BRCA2: variants seen among roughly 807,000 people sequenced by gnomAD.
The protein encoded by BRCA2 is BRCA2 DNA repair associated, also known as breast cancer type 2 susceptibility protein.
Under a neutral mutation model 276.7 loss-of-function variants are expected in BRCA2, and 203 were observed. That is an observed-to-expected ratio of 0.73 (90% CI 0.65 to 0.82). BRCA2 has a LOEUF of 0.82. Among genes scored for constraint, BRCA2 ranks in the 40% least tolerant of loss-of-function variants. BRCA2 has a pLI of 0.00. For missense variants in BRCA2, 3,920 were observed against 3,915.0 expected (o/e 1.00, Z -0.03); for synonymous variants, 1,289 against 1,338.4 (o/e 0.96, Z 0.81).
intron 18 of BRCA2, 24 bp from the exon 19 acceptor site, chr13:32,370,378 C>G (rs1593930028): frequency 6.3e-7 from 1 of 1,591,690 alleles, no homozygotes. Context: ...ACTACTAAAT[C>G]AATATATTTA....
Position 32,319,070 on chromosome 13 carries a change from T to A in BRCA2, c.68-7T>A, listed in dbSNP as rs81002830. ...TAAAACTAAGGTGGGATTTTTTTTT[T>A]AAATAGATTTAGGACCAATAAGTCT... On this transcript the variant is annotated splice_polypyrimidine_tract_variant and splice_region_variant and intron_variant, in intron 2 of 26. Coordinates refer to ENST00000380152, the MANE Select transcript of BRCA2 (RefSeq NM_000059.4). 4,031 of 1,611,588 alleles carry A rather than the reference T, an allele frequency of 2.5e-3. 13 individuals are homozygous for A. The highest frequency in any genetic ancestry group is 3.6e-3 in the Admixed American group (216 of 59,842).
rs2072448315 is a variant in BRCA2, at chr13:32,336,336, A to G, written c.1981A>G (p.Ser661Gly). The G allele has an allele frequency of 1.9e-6, 3 of 1,605,472 alleles. No homozygotes were observed. The highest frequency in any genetic ancestry group is 2.6e-6 in the Non-Finnish European group (3 of 1,176,104). Reference sequence around the variant, plus strand: ...TGAAGAACCAACTTTGTCCTTAACTAGCTCTTTTGGGACAATTCTGAGGAA... The same window carrying G: ...TGAAGAACCAACTTTGTCCTTAACTGGCTCTTTTGGGACAATTCTGAGGAA... ...DSEEPTLSLT[S>G]SFGTILRKCS... The change falls in exon 11 of 27, where the codon AGC becomes GGC. Residue 661 changes from serine (S) to glycine (G), a missense_variant. Ser to Gly is a moderately conservative substitution (Grantham distance 56, BLOSUM62 0). This residue lies in a region of BRCA2 where 3,263 missense variants were observed against 3,156.9 expected (regional missense o/e 1.03). Coordinates refer to ENST00000380152, the MANE Select transcript of BRCA2 (RefSeq NM_000059.4).
chr13:32,379,837 C>T lies in BRCA2; in HGVS notation c.9041C>T (p.Ser3014Leu). 6.2e-7 allele frequency: 1 copy of T among 1,613,566 alleles called. No homozygotes were observed. The highest frequency in any genetic ancestry group is 1.1e-5 in the South Asian group (1 of 91,032). ...TACAGAATTTATCATCTTGCAACTT[C>T]AAAATCTAAAAGTAAATCTGAAAGA... Reference protein sequence around the residue: ...KRYRIYHLATSKSKSKSERAN... With the variant: ...KRYRIYHLATLKSKSKSERAN... The change falls in exon 23 of 27, where the codon TCA becomes TTA. Residue 3014 changes from serine (S) to leucine (L), a missense_variant. Around this residue, in one of 2 missense-constraint regions of BRCA2, gnomAD observed 657 missense variants for 758.2 expected, o/e 0.87. Coordinates refer to ENST00000380152, the MANE Select transcript of BRCA2 (RefSeq NM_000059.4).
In BRCA2 at chr13:32,337,759, A is replaced by G. The variant is rs2072479515; in HGVS notation, c.3404A>G (p.Tyr1135Cys). 3 of 1,613,994 alleles carry G rather than the reference A, an allele frequency of 1.9e-6. No homozygotes were observed. Among genetic ancestry groups the G allele is most frequent in the Non-Finnish European group, 2.5e-6 (3 of 1,179,888 alleles). Residue 1135 changes from tyrosine to cysteine, a missense_variant, in exon 11 of 27, where the codon TAC becomes TGC. Physicochemically the swap from Tyr to Cys is radical, Grantham distance 194 (BLOSUM62 -2). This residue lies in a region of BRCA2 where 3,263 missense variants were observed against 3,156.9 expected (regional missense o/e 1.03). Transcript: ENST00000380152. ...TTTACTCAGTTTAGAAAACCAAGCT[A>G]CATATTGCAGAAGAGTACATTTGAA... ...FEFTQFRKPSYILQKSTFEVP... is the reference protein window; with the variant it reads ...FEFTQFRKPSCILQKSTFEVP...
upstream of BRCA2, chr13:32,315,475 G>A (rs1360119962): frequency 1.3e-5 from 2 of 152,284 alleles, no homozygotes; most frequent in Admixed American, 6.5e-5. Flanking sequence ...GGCCAGCGCG[G>A]GCTTGTGGCG....
In BRCA2 at chr13:32,354,841, A is replaced by G. The variant is rs81002903; in HGVS notation, c.7008-20A>G. ...TATGTGTACTAGTCAATAAACTTATATATTTTCTCCCCATTGCAGCACAAC... is the reference window on the plus strand; with the variant it reads ...TATGTGTACTAGTCAATAAACTTATGTATTTTCTCCCCATTGCAGCACAAC... On this transcript the variant is annotated intron_variant, in intron 13 of 26. Coordinates refer to ENST00000380152, the MANE Select transcript of BRCA2 (RefSeq NM_000059.4). 2.0e-6 allele frequency: 3 copies of G among 1,470,362 alleles called. No homozygotes were observed. Among genetic ancestry groups the G allele is most frequent in the South Asian group, 2.3e-5 (2 of 87,880 alleles). The allele number at this position is 1,470,362 out of a possible 1,614,324, so 91.1% of individuals were successfully genotyped here.
In BRCA2 at chr13:32,376,520, T is replaced by C. The variant is rs2072872570; in HGVS notation, c.8633-150T>C. 9 of 726,916 alleles carry C rather than the reference T, an allele frequency of 1.2e-5. No homozygotes were observed. In the South Asian group the frequency reaches 1.5e-4, roughly 12 times the overall value. The allele number at this position is 726,916 out of a possible 1,614,324, so 45.0% of individuals were successfully genotyped here. ...TTGGGTGACAGAGTGAGACCCTGTCTCAAAAAAAAAAAAAAGAAAAAACTT... is the reference window on the plus strand; with the variant it reads ...TTGGGTGACAGAGTGAGACCCTGTCCCAAAAAAAAAAAAAAGAAAAAACTT... On this transcript the variant is annotated intron_variant, in intron 20 of 26. Coordinates refer to ENST00000380152, the MANE Select transcript of BRCA2 (RefSeq NM_000059.4).
rs189026060 is a variant in BRCA2, at chr13:32,316,609, C to G, written c.67+82C>G. 3.4e-3 allele frequency: 4,020 copies of G among 1,188,390 alleles called. 18 individuals carry two copies. The highest frequency in any genetic ancestry group is 0.017 in the Middle Eastern group (65 of 3,908). The allele number at this position is 1,188,390 out of a possible 1,614,324, so 73.6% of individuals were successfully genotyped here. A position where few individuals can be genotyped will look rare whatever the true frequency, so the allele number is the denominator to read the frequency against. On this transcript the variant is annotated intron_variant, in intron 2 of 26. Coordinates refer to ENST00000380152, the MANE Select transcript of BRCA2 (RefSeq NM_000059.4). ...AATGCTTGCTAAAAACCCAGTACGT[C>G]ACAGTGTTGCTTAGAACCATAAACT...
In BRCA2 at chr13:32,394,753, A is replaced by C. The variant is rs876658703; in HGVS notation, c.9321A>C (p.Ile3107=). The part of the protein sequence containing the change: ...CYNLLAIKFW[I]DLNEDIIKPH... ...ATTTACTGGCAATAAAGTTTTGGATAGACCTTAATGAGGACATTATTAAGC... is the reference window on the plus strand; with the variant it reads ...ATTTACTGGCAATAAAGTTTTGGATCGACCTTAATGAGGACATTATTAAGC... Residue 3107 remains isoleucine (I), a synonymous_variant, in exon 25 of 27, where the codon ATA becomes ATC. Transcript: ENST00000380152. 3.1e-6 allele frequency: 5 copies of C among 1,613,964 alleles called. No individual in the cohort carries two copies. The highest frequency in any genetic ancestry group is 3.4e-6 in the Non-Finnish European group (4 of 1,179,978).
At chr13:32,363,609 A>C in intron 18 of BRCA2, 76 bp downstream of exon 18, 1 of 1,306,462 alleles carries the variant, frequency 7.7e-7, no homozygotes, top group Non-Finnish European at 1.1e-6. Context: ...TTTAAATTTT[A>C]AATGCTTACT....
rs80359073 is a variant in BRCA2 at position 32,363,526 on chromosome 13, T to C, written c.8324T>C (p.Met2775Thr). ...CTPLEAPESLMLKISANSTRP... is the reference protein window; with the variant it reads ...CTPLEAPESLTLKISANSTRP... ...CCTCTTGAAGCCCCAGAATCTCTTATGTTAAAGGTAAATTAATTTGCACTC... is the reference window on the plus strand; with the variant it reads ...CCTCTTGAAGCCCCAGAATCTCTTACGTTAAAGGTAAATTAATTTGCACTC... The change falls in exon 18 of 27, where the codon ATG (methionine) becomes ACG (threonine). Residue 2775 changes from methionine (M) to threonine (T), a missense_variant. Transcript: ENST00000380152. 3.1e-6 allele frequency: 5 copies of C among 1,612,534 alleles called. No homozygotes were observed. The African/African-American group carries it at 4.0e-5, about 13-fold the overall frequency.
intron 24 of BRCA2, among the ~76,000 whole-genome samples, chr13:32,382,375 A>G (rs763073906): frequency 2.0e-5 from 3 of 152,238 alleles, no homozygotes; most frequent in Non-Finnish European, 4.4e-5. Flanking sequence ...GCAGGGAAAT[A>G]TAAATGTAAA....
chr13:32,320,155 T>A (rs1303725814), intron 3 of BRCA2, among the ~76,000 whole-genome samples: 1 of 152,160 alleles, frequency 6.6e-6, no homozygotes, highest in Non-Finnish European at 1.5e-5. Context: ...AAGGGACCAA[T>A]AGACAAGGCA....
At position 32,355,221 on chromosome 13, in the gene BRCA2, G is replaced by C; in HGVS notation, c.7368G>C (p.Gln2456His). 6.2e-7 allele frequency: 1 copy of C among 1,605,920 alleles called. No individual in the cohort carries two copies. The highest frequency in any genetic ancestry group is 8.5e-7 in the Non-Finnish European group (1 of 1,174,614). The part of the protein sequence containing the change: ...KNKINDNEIH[Q>H]FNKNNSNQAV... ...AGATTAATGACAATGAGATTCATCA[G>C]TTTAACAAAAACAACTCCAATCAAG... Residue 2456 changes from glutamine to histidine, a missense_variant, in exon 14 of 27, where the codon CAG becomes CAC. Gln to His is a conservative substitution (Grantham distance 24). Around this residue, in one of 2 missense-constraint regions of BRCA2, gnomAD observed 3,263 missense variants for 3,156.9 expected, o/e 1.03. Coordinates refer to ENST00000380152, the MANE Select transcript of BRCA2 (RefSeq NM_000059.4).
In BRCA2 at chr13:32,338,598, G is replaced by T. The variant is rs397507327; in HGVS notation, c.4243G>T (p.Glu1415Ter). The T allele has an allele frequency of 6.3e-7, 1 of 1,596,136 alleles. No homozygotes were observed. Among genetic ancestry groups the T allele is most frequent in the South Asian group, 1.1e-5 (1 of 87,770 alleles). Residue 1415 changes from glutamate to a stop codon, truncating the protein, a stop_gained, in exon 11 of 27, where the codon GAG (glutamate) becomes TAG (stop). Transcript: ENST00000380152. LOFTEE classifies it high-confidence loss of function. ...AGAACAGTTAACTGCTACTAAAACGGAGCAAAATATAAAAGATTTTGAGAC... is the reference window on the plus strand; with the variant it reads ...AGAACAGTTAACTGCTACTAAAACGTAGCAAAATATAAAAGATTTTGAGAC... ...NKEQLTATKT[E>*]QNIKDFETSD...
chr13:32,363,299 T>C lies in BRCA2; in HGVS notation c.8097T>C (p.Asn2699=), dbSNP rs1057520460. Residue 2699 remains asparagine (N), a synonymous_variant, in exon 18 of 27, where the codon AAT becomes AAC. Coordinates refer to ENST00000380152, the MANE Select transcript of BRCA2 (RefSeq NM_000059.4). ...CTGACATAATTTCATTGAGCGCAAA[T>C]ATATCTGAAACTTCTAGCAATAAAA... ...CVSDIISLSA[N]ISETSSNKTS... is the part of the protein sequence containing the mutation. 6.2e-7 allele frequency: 1 copy of C among 1,614,054 alleles called. No homozygotes were observed. Among genetic ancestry groups the C allele is most frequent in the African/African-American group, 1.3e-5 (1 of 74,926 alleles).
chr13:32,339,569 TTA>T lies in BRCA2; in HGVS notation c.5216_5217del (p.Tyr1739PhefsTer3). ...KNHLSEKQDTYLSNSSMSNSY... is the reference protein window; with the variant it reads ...KNHLSEKQDTXLSNSSMSNSY... ...ATCATCTCTCCGAAAAACAAGATAC[TTA>T]TTTAAGTAACAGTAGCATGTCTAAC... On this transcript the variant is annotated frameshift_variant, in exon 11 of 27. Transcript: ENST00000380152. LOFTEE classifies it high-confidence loss of function. 6.2e-7 allele frequency: 1 copy of T among 1,609,376 alleles called. No homozygotes were observed. Among genetic ancestry groups the T allele is most frequent in the Non-Finnish European group, 8.5e-7 (1 of 1,176,922 alleles).
At chr13:32,375,924 A>G (rs1012391332) in intron 20 of BRCA2, among the ~76,000 whole-genome samples, 43 of 152,170 alleles carry the variant, frequency 2.8e-4, no homozygotes, top group African/African-American at 6.3e-4. Context: ...GGGCCACAAA[A>G]TGGATATTGT....
rs11571651 is a variant in BRCA2, at chr13:32,336,214, G to T, written c.1910-51G>T. On this transcript the variant is annotated intron_variant, in intron 10 of 26. Coordinates refer to ENST00000380152, the MANE Select transcript of BRCA2 (RefSeq NM_000059.4). ...TTTAACTTAGTGAAAAATATTTAGT[G>T]AATGTGATTGATGGTACTTTAATTT... 64,452 of 1,549,260 alleles carry T rather than the reference G, an allele frequency of 0.042. 2,057 individuals carry two copies. Among genetic ancestry groups the T allele is most frequent in the East Asian group, 0.12 (5,192 of 44,554 alleles).
Sources: allele counts gnomAD v4.1 joint callset (sites outside exome capture counted in the v4.1 genomes callset), GRCh38; gene constraint gnomAD v4.1.1; regional missense constraint gnomAD v4.1.1; transcripts MANE v1.5; gene names NCBI Gene and HGNC (gene_info 2026-07-23, HGNC 2026-07-21).